Variants in MACF1 observed in about 807,000 individuals in gnomAD.
The protein encoded by MACF1 is microtubule-actin cross-linking factor 1.
In MACF1, 193 loss-of-function variants were observed where a neutral mutation model predicts 854.8. That is an observed-to-expected ratio of 0.23 (90% CI 0.20 to 0.25). MACF1 has a LOEUF of 0.25. Among genes scored for constraint, MACF1 ranks in the 10% least tolerant of loss-of-function variants. The probability of loss-of-function intolerance (pLI) is 1.00; values close to 1 mark genes in which losing one functional copy is unlikely to be tolerated. For synonymous variants in MACF1, 3,185 were observed against 3,226.7 expected, an observed-to-expected ratio of 0.99 and a Z score of 0.44; for missense variants, 7,722 against 8,929.1, an observed-to-expected ratio of 0.86 and a Z score of 5.45.
intron 2 of MACF1, among the ~76,000 whole-genome samples, chr1:39,111,512 A>G (rs1571053225): frequency 6.6e-6 from 1 of 151,834 alleles, no homozygotes; most frequent in East Asian, 1.9e-4. Context: ...CCTCCCGAGT[A>G]GCTGGGACTA....
chr1:39,144,936 T>C (rs1643429715), intron 2 of MACF1, among the ~76,000 whole-genome samples: 1 of 152,188 alleles, frequency 6.6e-6, no homozygotes, highest in Admixed American at 6.5e-5. Flanking sequence ...TTAAACCTGT[T>C]CTCTGCTGTT....
At position 39,333,807 on chromosome 1, in the gene MACF1, G is replaced by T. The variant is rs768598893; in HGVS notation, c.7219G>T (p.Val2407Leu). Residue 2407 changes from valine (V) to leucine (L), a missense_variant, in exon 37 of 101, where the codon GTG becomes TTG. By Grantham distance (32) the Val-to-Leu change is conservative (BLOSUM62 1). Transcript: ENST00000564288. ...TATRILERQV[V>L]TGGIIDLKRG... ...CACCAGAATTTTAGAGAGGCAGGTG[G>T]TGACTGGTGGAATTATTGATCTGAA... 3 of 1,614,210 alleles carry T rather than the reference G, an allele frequency of 1.9e-6. No homozygotes were observed. The highest frequency in any genetic ancestry group is 2.2e-5 in the South Asian group (2 of 91,082).
At chr1:39,135,837 C>T (rs545798318) in intron 2 of MACF1, among the ~76,000 whole-genome samples, 1 of 152,264 alleles carries the variant, frequency 6.6e-6, no homozygotes, top group African/African-American at 2.4e-5. Context: ...CTCTCCCTCT[C>T]TCCTTTGCTC....
intron 2 of MACF1, among the ~76,000 whole-genome samples, chr1:39,244,514 C>T (rs1161189307): frequency 1.3e-5 from 2 of 151,874 alleles, no homozygotes; most frequent in Non-Finnish European, 2.9e-5. Context: ...AACTCCTGAC[C>T]TCATGATCCA....
At chr1:39,259,417 A>G (rs1645132290) in intron 6 of MACF1, among the ~76,000 whole-genome samples, 1 of 151,888 alleles carries the variant, frequency 6.6e-6, no homozygotes, top group Non-Finnish European at 1.5e-5. Context: ...ACCTGCCAAC[A>G]TGCCTGGCTA....
intron 80 of MACF1, among the ~76,000 whole-genome samples, chr1:39,445,469 G>A (rs906848820): frequency 3.3e-5 from 5 of 152,180 alleles, no homozygotes; most frequent in African/African-American, 9.7e-5. Flanking sequence ...TAGTTATTGA[G>A]CAAGTGTGTG....
chr1:39,449,386 C>T (rs1644288992), intron 84 of MACF1, among the ~76,000 whole-genome samples: 1 of 151,902 alleles, frequency 6.6e-6, no homozygotes. Context: ...ATATTGCTAC[C>T]CTATTTGTAC....
intron 71 of MACF1, among the ~76,000 whole-genome samples, chr1:39,438,429 G>A (rs757412702): frequency 6.6e-6 from 1 of 152,158 alleles, no homozygotes; most frequent in Non-Finnish European, 1.5e-5. Context: ...GCTCATTTCT[G>A]GATTACTTCT....
intron 1 of MACF1, among the ~76,000 whole-genome samples, chr1:39,210,072 A>C (rs1644497981): frequency 6.6e-6 from 1 of 151,880 alleles, no homozygotes. Flanking sequence ...CCTGGGCAAC[A>C]GAGTGAGACT....
chr1:39,244,639 G>A lies in MACF1; in HGVS notation c.172-5375G>A, dbSNP rs533735860. On this transcript the variant is annotated intron_variant, in intron 2 of 100. Transcript: ENST00000564288. ...GTTGCCCAGGCTGAAGTGCAGTGGCGCCATCTTGGCTCACTGCCACCCCTG... is the reference window on the plus strand; with the variant it reads ...GTTGCCCAGGCTGAAGTGCAGTGGCACCATCTTGGCTCACTGCCACCCCTG... Among the ~76,000 whole-genome samples, 383 of 149,984 alleles carry A rather than the reference G, an allele frequency of 2.6e-3. 2 individuals carry two copies. The highest frequency in any genetic ancestry group is 0.018 in the Middle Eastern group (5 of 282).
At chr1:39,443,954 CA>C (rs563305498) in intron 79 of MACF1, among the ~76,000 whole-genome samples, 68 of 152,218 alleles carry the variant, frequency 4.5e-4, no homozygotes, top group Admixed American at 1.2e-3. Context: ...CATGCTAGAA[CA>C]AAAAGCAACA....
chr1:39,265,298 T>G (rs1390664570), intron 6 of MACF1, among the ~76,000 whole-genome samples: 1 of 152,118 alleles, frequency 6.6e-6, no homozygotes, highest in Non-Finnish European at 1.5e-5. Flanking sequence ...TCACTCTGGC[T>G]GTCTCTGTGG....
intron 58 of MACF1, among the ~76,000 whole-genome samples, chr1:39,420,502 T>G (rs911801574): frequency 9.9e-5 from 15 of 152,250 alleles, no homozygotes; most frequent in African/African-American, 3.4e-4. Flanking sequence ...TAATGTTGCC[T>G]AAGAAAATAT....
chr1:39,422,563 C>T (rs779781650), intron 59 of MACF1, 28 bp downstream of exon 59: 1 of 1,587,558 alleles, frequency 6.3e-7, no homozygotes, highest in South Asian at 1.1e-5. Flanking sequence ...AGCAAGTGTA[C>T]TGGAAACGGA....
chr1:39,189,074 G>GA (rs1451377107), intron 2 of MACF1, among the ~76,000 whole-genome samples: 2 of 152,166 alleles, frequency 1.3e-5, no homozygotes, highest in Admixed American at 6.5e-5. Context: ...TGTTTTCACT[G>GA]AGACACCTGG....
chr1:39,091,558 C>T (rs184826914), intron 2 of MACF1, among the ~76,000 whole-genome samples: 11 of 152,182 alleles, frequency 7.2e-5, no homozygotes. Flanking sequence ...TGCAGTGGCA[C>T]GATCTCGGCT....
chr1:39,433,086 G>A lies in MACF1; in HGVS notation c.17496G>A (p.Met5832Ile), dbSNP rs577626559. ...ACATTATTCGACACAAAGATTCAAT[G>A]GATGAACTCTTCAGTCACCGTAGTG... ...SIDIIRHKDS[M>I]DELFSHRSEI... is the part of the protein sequence containing the mutation. Residue 5832 changes from methionine (M) to isoleucine (I), a missense_variant, in exon 68 of 101, where the codon ATG becomes ATA. Around this residue, in one of 15 missense-constraint regions of MACF1, gnomAD observed 2,807 missense variants for 3,235.8 expected, o/e 0.87. Coordinates refer to ENST00000564288, the MANE Select transcript of MACF1 (RefSeq NM_001394062.1). 1.2e-5 allele frequency: 19 copies of A among 1,612,310 alleles called. No individual in the cohort carries two copies. In the East Asian group the frequency reaches 3.4e-4, roughly 28 times the overall value.
At position 39,332,803 on chromosome 1, in the gene MACF1, C is replaced by A; in HGVS notation, c.6215C>A (p.Ser2072Tyr). 4 of 1,614,112 alleles carry A rather than the reference C, an allele frequency of 2.5e-6. No homozygotes were observed. The highest frequency in any genetic ancestry group is 3.4e-6 in the Non-Finnish European group (4 of 1,180,028). Residue 2072 changes from serine (S) to tyrosine (Y), a missense_variant, in exon 37 of 101, where the codon TCT (serine) becomes TAT (tyrosine). Ser to Tyr is a moderately radical substitution (Grantham distance 144). Around this residue, in one of 15 missense-constraint regions of MACF1, gnomAD observed 1,531 missense variants for 1,601.6 expected, o/e 0.96. Transcript: ENST00000564288. Reference sequence around the variant, plus strand: ...AAGACCACTGTAGAAACAGAAGATTCTTCTGTAGAGAACCCTGAACAGGAT... The same window carrying A: ...AAGACCACTGTAGAAACAGAAGATTATTCTGTAGAGAACCCTGAACAGGAT... ...GKKTTVETEDSSVENPEQDLF... is the reference protein window; with the variant it reads ...GKKTTVETEDYSVENPEQDLF...
chr1:39,131,186 C>T (rs1642995736), intron 2 of MACF1, among the ~76,000 whole-genome samples: 1 of 81,636 alleles, frequency 1.2e-5, no homozygotes, highest in Non-Finnish European at 2.3e-5. Context: ...TTTTAAGAGA[C>T]AGAGTCTTGT....
Sources: gnomAD v4.1 joint callset for allele counts (sites outside exome capture counted in the v4.1 genomes callset) on GRCh38, gnomAD v4.1.1 for gene constraint, gnomAD v4.1.1 regional missense constraint, MANE v1.5 for transcripts, NCBI Gene and HGNC (gene_info 2026-07-23, HGNC 2026-07-21) for gene names.